Variants in QNG1 observed in about 807,000 individuals in gnomAD.
QNG1 encodes the protein Q-nucleotide N-glycosylase 1.
chr9:83,952,947 G>A, the QNG1 span, among the ~76,000 whole-genome samples: 17 of 149,272 alleles, frequency 1.1e-4, no homozygotes, highest in Admixed American at 2.7e-4. Context: ...GTGACAGAGT[G>A]AGACTCTGTC....
At chr9:83,956,704 C>G in the QNG1 span, 1 of 440,104 alleles carries the variant, frequency 2.3e-6, no homozygotes, top group Non-Finnish European at 4.0e-6. Flanking sequence ...CCAGAGAGAC[C>G]CCGGGGCAGC....
At chr9:83,948,455 C>T in the QNG1 span, among the ~76,000 whole-genome samples, 4 of 143,222 alleles carry the variant, frequency 2.8e-5, no homozygotes, top group South Asian at 2.2e-4. Flanking sequence ...CCCGGCCAGC[C>T]GCCCCGTCGG....
At chr9:83,953,772 A>C in the QNG1 span, 2 of 1,544,878 alleles carry the variant, frequency 1.3e-6, no homozygotes, top group Non-Finnish European at 1.8e-6. Flanking sequence ...ATTCCAAAAG[A>C]ATTTTACAAA....
the QNG1 span, among the ~76,000 whole-genome samples, chr9:83,951,563 A>C: frequency 6.6e-6 from 1 of 152,214 alleles, no homozygotes; most frequent in Non-Finnish European, 1.5e-5. Flanking sequence ...TGTCTCAAAA[A>C]ACAACAACAA....
the QNG1 span, among the ~76,000 whole-genome samples, chr9:83,945,262 C>T: frequency 6.6e-6 from 1 of 151,554 alleles, no homozygotes; most frequent in African/African-American, 2.4e-5. Context: ...ATTAGCTGGG[C>T]GTGGTGGCAC....
the QNG1 span, among the ~76,000 whole-genome samples, chr9:83,947,139 TA>T: frequency 6.6e-6 from 1 of 152,152 alleles, no homozygotes; most frequent in African/African-American, 2.4e-5. Context: ...AAAACATAGA[TA>T]ATTACAATCA....
chr9:83,945,724 C>T, the QNG1 span, among the ~76,000 whole-genome samples: 1 of 152,108 alleles, frequency 6.6e-6, no homozygotes, highest in East Asian at 2.0e-4. Context: ...GCCTCAGCCT[C>T]CCGAGTAGCT....
chr9:83,951,192 C>T, the QNG1 span, among the ~76,000 whole-genome samples: 10 of 152,256 alleles, frequency 6.6e-5, no homozygotes, highest in African/African-American at 1.7e-4. Flanking sequence ...ATCGCTTCAA[C>T]TTGGGAGGCG....
the QNG1 span, among the ~76,000 whole-genome samples, chr9:83,952,534 G>A: frequency 6.6e-6 from 1 of 152,148 alleles, no homozygotes; most frequent in East Asian, 1.9e-4. Flanking sequence ...GGTGGCTCAC[G>A]CCTGTAATCC....
chr9:83,945,175 G>A, the QNG1 span, among the ~76,000 whole-genome samples: 1 of 151,908 alleles, frequency 6.6e-6, no homozygotes, highest in Non-Finnish European at 1.5e-5. Context: ...AGGCTGAGGT[G>A]GGCAGATTGC....
chr9:83,947,967 G>C, the QNG1 span, among the ~76,000 whole-genome samples: 1 of 143,062 alleles, frequency 7.0e-6, no homozygotes, highest in Non-Finnish European at 1.5e-5. Flanking sequence ...TCTCTGCCTG[G>C]CCGCCCATCG....
the QNG1 span, among the ~76,000 whole-genome samples, chr9:83,948,380 G>A: frequency 5.6e-4 from 85 of 151,146 alleles, no homozygotes; most frequent in Non-Finnish European, 9.3e-4. Context: ...CAGGAGGGAG[G>A]TGGGGGTCAG....
the QNG1 span, chr9:83,956,095 C>G: frequency 6.6e-7 from 1 of 1,519,474 alleles, no homozygotes; most frequent in South Asian, 1.1e-5. Context: ...CTTGGAACTC[C>G]CCTACACACA....
the QNG1 span, among the ~76,000 whole-genome samples, chr9:83,946,103 G>C: frequency 4.0e-5 from 6 of 151,764 alleles, no homozygotes; most frequent in South Asian, 1.3e-3. Context: ...TCAGGAGTTC[G>C]AGACCAGCCT....
the QNG1 span, chr9:83,956,106 C>A: frequency 6.4e-7 from 1 of 1,566,496 alleles, no homozygotes; most frequent in Non-Finnish European, 8.7e-7. Flanking sequence ...CCTACACACA[C>A]CCCAAGTAAA....
the QNG1 span, chr9:83,956,174 G>C: frequency 6.2e-7 from 1 of 1,610,452 alleles, no homozygotes; most frequent in Non-Finnish European, 8.5e-7. Context: ...CTTCGTCGAG[G>C]GCTCTGTTGA....
chr9:83,950,176 A>T, the QNG1 span, among the ~76,000 whole-genome samples: 2 of 151,322 alleles, frequency 1.3e-5, no homozygotes, highest in East Asian at 3.9e-4. Context: ...TAGCCTCCCG[A>T]GTAGCTGGGA....
chr9:83,951,502 A>C, the QNG1 span, among the ~76,000 whole-genome samples: 1 of 152,240 alleles, frequency 6.6e-6, no homozygotes, highest in Non-Finnish European at 1.5e-5. Context: ...CAGAGGTTGC[A>C]GTGAGCCGAG....
chr9:83,940,489 C>A, the QNG1 span, among the ~76,000 whole-genome samples: 13 of 151,984 alleles, frequency 8.6e-5, no homozygotes. Context: ...AATATCTGAT[C>A]CTGCAAGGTA....
Sources: gnomAD v4.1 joint callset for allele counts (sites outside exome capture counted in the v4.1 genomes callset) on GRCh38, gnomAD v4.1.1 for gene constraint, MANE v1.5 for transcripts, NCBI Gene and HGNC (gene_info 2026-07-23, HGNC 2026-07-21) for gene names.